The following MYO9B variants were observed in gnomAD, a reference collection of about 807,000 sequenced individuals.
MYO9B encodes the protein myosin IXB.
Under a neutral mutation model 229.5 loss-of-function variants are expected in MYO9B, and 71 were observed. That is an observed-to-expected ratio of 0.31 (90% CI 0.26 to 0.38). The LOEUF (loss-of-function observed/expected upper bound fraction) is 0.38, where lower values mean the gene tolerates loss of function less well. Ranked by LOEUF, MYO9B falls within the 10% of genes least tolerant of loss-of-function variation. MYO9B has a pLI of 1.00. For missense variants in MYO9B, 2,255 were observed against 2,920.5 expected (o/e 0.77, Z 5.25); for synonymous variants, 1,185 against 1,235.8 (o/e 0.96, Z 0.86).
intron 2 of MYO9B, among the ~76,000 whole-genome samples, chr19:17,143,698 A>G (rs11881955): frequency 0.48 from 73,387 of 151,720 alleles, 19,290 homozygotes; most frequent in African/African-American, 0.7. Context: ...CGGGGCGGGC[A>G]GATCATGAGG....
intron 2 of MYO9B, among the ~76,000 whole-genome samples, chr19:17,144,805 C>T (rs1452864409): frequency 1.3e-5 from 2 of 151,540 alleles, no homozygotes; most frequent in African/African-American, 4.8e-5. Flanking sequence ...CCCGTCTGTA[C>T]TAAAAATACA....
intron 2 of MYO9B, among the ~76,000 whole-genome samples, chr19:17,142,176 AAAAG>A (rs983262712): frequency 2.8e-4 from 42 of 151,524 alleles, no homozygotes; most frequent in Middle Eastern, 3.4e-3. Context: ...TAAAAAAAAA[AAAAG>A]AAAGAAAAAA....
intron 2 of MYO9B, among the ~76,000 whole-genome samples, chr19:17,140,278 T>G (rs538562595): frequency 3.8e-4 from 58 of 152,256 alleles, no homozygotes; most frequent in African/African-American, 1.2e-3. Flanking sequence ...AAGTTCAAGG[T>G]CAAGGCTCTG....
intron 1 of MYO9B, among the ~76,000 whole-genome samples, chr19:17,080,577 C>A (rs1192181298): frequency 6.6e-6 from 1 of 152,102 alleles, no homozygotes; most frequent in Admixed American, 6.6e-5. Context: ...CATAAAGACC[C>A]TGTCTCTAGG....
intron 30 of MYO9B, among the ~76,000 whole-genome samples, chr19:17,204,319 G>A (rs906741419): frequency 6.7e-6 from 1 of 149,818 alleles, no homozygotes; most frequent in Admixed American, 6.6e-5. Context: ...TGACATCTTC[G>A]TCCCAAGTCC....
rs377237168 is a variant in MYO9B at position 17,102,253 on chromosome 19, C to G, written c.536C>G (p.Ala179Gly). 1.9e-6 allele frequency: 3 copies of G among 1,614,040 alleles called. No individual in the cohort carries two copies. The highest frequency in any genetic ancestry group is 2.5e-6 in the Non-Finnish European group (3 of 1,179,912). The change falls in exon 2 of 40, where the codon GCG (alanine) becomes GGG (glycine). Residue 179 changes from alanine to glycine, a missense_variant. Physicochemically the swap from Ala to Gly is moderately conservative, Grantham distance 60 (BLOSUM62 0). This residue lies in a region of MYO9B where 386 missense variants were observed against 515.2 expected (regional missense o/e 0.75). Coordinates refer to ENST00000682292, the MANE Select transcript of MYO9B (RefSeq NM_004145.4). Reference protein sequence around the residue: ...RFLQQKIYTYAGSILVAINPF... With the variant: ...RFLQQKIYTYGGSILVAINPF... The stretch of plus-strand genomic sequence containing the variant: ...CTGCAACAAAAGATCTACACGTACG[C>G]GGGGAGCATCCTGGTGGCCATCAAC...
intron 22 of MYO9B, 46 bp from the exon 23 acceptor site, chr19:17,197,746 C>G (rs771576028): frequency 1.2e-6 from 2 of 1,607,270 alleles, no homozygotes; most frequent in East Asian, 4.5e-5. Context: ...GAAAATGCCA[C>G]TGACTCACTC....
chr19:17,152,454 T>TGG (rs2072488782), intron 3 of MYO9B, 190 bp from the exon 4 acceptor site: 2 of 392,562 alleles, frequency 5.1e-6, no homozygotes. Context: ...AACCAACCAC[T>TGG]GTGGGGGCCG....
chr19:17,088,612 G>A lies in MYO9B; in HGVS notation c.-59+12738G>A, dbSNP rs534965305. Among the ~76,000 whole-genome samples, 3 of 152,294 alleles carry A rather than the reference G, an allele frequency of 2.0e-5. No homozygotes were observed. The East Asian group carries it at 5.8e-4, about 29-fold the overall frequency. On this transcript the variant is annotated intron_variant, in intron 1 of 39. Transcript: ENST00000682292. ...CCAATTCCTGTGATGTCCTGTACCA[G>A]ACCGTGGTATGAGCCCATTGACCTC...
At chr19:17,206,639 A>G in intron 33 of MYO9B, 40 bp from the exon 34 acceptor site, 2 of 1,515,692 alleles carry the variant, frequency 1.3e-6, no homozygotes, top group East Asian at 2.5e-5. Flanking sequence ...CACCTTGGGG[A>G]CCCTTGGGAG....
intron 2 of MYO9B, among the ~76,000 whole-genome samples, chr19:17,107,918 C>G (rs922282332): frequency 1.3e-5 from 2 of 152,184 alleles, no homozygotes; most frequent in African/African-American, 4.8e-5. Flanking sequence ...GCGGGGGGCT[C>G]AAGTCAGCCC....
At chr19:17,155,430 G>A (rs1387538536) in intron 6 of MYO9B, among the ~76,000 whole-genome samples, 5 of 152,192 alleles carry the variant, frequency 3.3e-5, no homozygotes, top group South Asian at 2.1e-4. Context: ...ATCCACCTGC[G>A]TAAGCCTCCC....
Position 17,193,024 on chromosome 19 carries a change from C to A in MYO9B, c.3090C>A (p.Arg1030=). ...GGCACCAGAAACAGAGCATCATCCG[C>A]CTGCAGAGCCTGTGTCGGGGGCACC... ...LYRHQKQSII[R]LQSLCRGHLQ... is the part of the protein sequence containing the mutation. Residue 1030 remains arginine, a synonymous_variant, in exon 21 of 40, where the codon CGC becomes CGA. Coordinates refer to ENST00000682292, the MANE Select transcript of MYO9B (RefSeq NM_004145.4). This position sits in a 1 kb window ranked among gnomAD's most constrained non-coding sequence, Gnocchi z 4.3. The A allele has an allele frequency of 6.7e-7, 1 of 1,483,550 alleles. No homozygotes were observed. The highest frequency in any genetic ancestry group is 1.3e-5 in the South Asian group (1 of 75,426). 91.9% of individuals were successfully genotyped at this position (1,483,550 alleles called of 1,614,324 possible).
chr19:17,156,521 A>G (rs571061689), intron 6 of MYO9B, among the ~76,000 whole-genome samples: 5 of 152,094 alleles, frequency 3.3e-5, no homozygotes, highest in Non-Finnish European at 5.9e-5. Flanking sequence ...GGAGTTTGAG[A>G]CCAGCCTGGG....
chr19:17,118,107 G>A (rs898686216), intron 2 of MYO9B, among the ~76,000 whole-genome samples: 8 of 152,000 alleles, frequency 5.3e-5, no homozygotes, highest in Non-Finnish European at 8.8e-5. Flanking sequence ...GGCTTCTGGT[G>A]GGTAGAGGCC....
chr19:17,116,643 G>A (rs1456711465), intron 2 of MYO9B, among the ~76,000 whole-genome samples: 2 of 152,216 alleles, frequency 1.3e-5, no homozygotes, highest in African/African-American at 2.4e-5. Flanking sequence ...AGCACAGAGA[G>A]CAGCAGGCGC....
At chr19:17,197,510 C>T (rs1599417325) in intron 22 of MYO9B, among the ~76,000 whole-genome samples, 1 of 151,666 alleles carries the variant, frequency 6.6e-6, no homozygotes, top group Admixed American at 6.6e-5. Context: ...GGTTTCCTAC[C>T]CTCCACACTC....
At chr19:17,100,527 C>G (rs1211937129) in intron 1 of MYO9B, among the ~76,000 whole-genome samples, 1 of 152,114 alleles carries the variant, frequency 6.6e-6, no homozygotes, top group Non-Finnish European at 1.5e-5. Context: ...TGCTACTTAC[C>G]ACCTTCCTGG....
intron 2 of MYO9B, among the ~76,000 whole-genome samples, chr19:17,134,587 TACC>T (rs1162651444): frequency 1.3e-5 from 2 of 151,710 alleles, no homozygotes; most frequent in Non-Finnish European, 2.9e-5. Flanking sequence ...GATGAGATTT[TACC>T]ACGTTAACCA....
Sources: allele counts gnomAD v4.1 joint callset (sites outside exome capture counted in the v4.1 genomes callset), GRCh38; gene constraint gnomAD v4.1.1; regional missense constraint gnomAD v4.1.1; non-coding constraint Gnocchi (gnomAD v3.1); transcripts MANE v1.5; gene names NCBI Gene and HGNC (gene_info 2026-07-23, HGNC 2026-07-21).